The following CNTN5 variants were observed in gnomAD, a reference collection of about 807,000 sequenced individuals.
CNTN5 encodes contactin-5.
A neutral mutation model predicts 129.1 loss-of-function variants in CNTN5; 77 were observed. That is an observed-to-expected ratio of 0.60 (90% CI 0.50 to 0.72). The LOEUF (loss-of-function observed/expected upper bound fraction) is 0.72. Among genes scored for constraint, CNTN5 ranks in the 30% least tolerant of loss-of-function variants. The pLI, the probability that CNTN5 is intolerant of heterozygous loss-of-function variation, is 0.00. For synonymous variants in CNTN5, 509 were observed against 465.6 expected, an observed-to-expected ratio of 1.09 and a Z score of -1.20; for missense variants, 1,478 against 1,328.8, an observed-to-expected ratio of 1.11 and a Z score of -1.75.
chr11:99,034,119 C>T (rs1332231942), intron 1 of CNTN5, among the ~76,000 whole-genome samples: 1 of 152,126 alleles, frequency 6.6e-6, no homozygotes, highest in African/African-American at 2.4e-5. Context: ...AGGATGAAGC[C>T]CACTTGATCA....
At chr11:99,266,003 T>A (rs1862866390) in intron 1 of CNTN5, among the ~76,000 whole-genome samples, 1 of 152,026 alleles carries the variant, frequency 6.6e-6, no homozygotes, top group African/African-American at 2.4e-5. Flanking sequence ...ATGATACAAA[T>A]GTACAAGATA....
At chr11:99,743,291 C>G (rs185809011) in intron 3 of CNTN5, among the ~76,000 whole-genome samples, 1 of 152,214 alleles carries the variant, frequency 6.6e-6, no homozygotes, top group Admixed American at 6.5e-5. Flanking sequence ...ATCTTTAATA[C>G]AAACCCATGG....
At chr11:99,767,677 T>C (rs1944801392) in intron 3 of CNTN5, among the ~76,000 whole-genome samples, 1 of 151,332 alleles carries the variant, frequency 6.6e-6, no homozygotes, top group Non-Finnish European at 1.5e-5. Context: ...TAATATTCTC[T>C]GGCTGATCAT....
At chr11:99,763,516 G>A (rs1279632250) in intron 3 of CNTN5, among the ~76,000 whole-genome samples, 1 of 152,044 alleles carries the variant, frequency 6.6e-6, no homozygotes, top group African/African-American at 2.4e-5. Context: ...CTCAGAAGAA[G>A]TTTAAAGTAT....
intron 13 of CNTN5, among the ~76,000 whole-genome samples, chr11:100,117,544 A>G (rs1286089971): frequency 6.6e-6 from 1 of 151,956 alleles, no homozygotes; most frequent in East Asian, 1.9e-4. Context: ...CACATAGCAT[A>G]TGCTCAACAA....
At chr11:99,227,347 G>A (rs541978541) in intron 1 of CNTN5, among the ~76,000 whole-genome samples, 10 of 150,480 alleles carry the variant, frequency 6.6e-5, no homozygotes, top group African/African-American at 9.8e-5. Flanking sequence ...GGGACAGAGC[G>A]AGAATCTGTC....
At chr11:99,821,002 G>A (rs1442481798) in intron 4 of CNTN5, among the ~76,000 whole-genome samples, 1 of 152,182 alleles carries the variant, frequency 6.6e-6, no homozygotes, top group Non-Finnish European at 1.5e-5. Context: ...TAAGTTGTAT[G>A]TAAGCATGAT....
chr11:100,196,904 G>A (rs1379990388), intron 15 of CNTN5, among the ~76,000 whole-genome samples: 4 of 151,992 alleles, frequency 2.6e-5, no homozygotes, highest in Admixed American at 2.0e-4. Flanking sequence ...GCTAAATGCT[G>A]TTGGGGGATG....
chr11:99,532,811 T>C (rs1032072919), intron 2 of CNTN5, among the ~76,000 whole-genome samples: 1 of 152,190 alleles, frequency 6.6e-6, no homozygotes, highest in Admixed American at 6.5e-5. Flanking sequence ...TAAAAACTCT[T>C]TTTCCTCCCA....
In CNTN5 at chr11:99,662,544, G is replaced by A. The variant is rs74417163; in HGVS notation, c.55+106275G>A. ...CATTTTCTTCACATTTTCTCTTTGC[G>A]GTGTTATAATAAACACGTATTTATC... On this transcript the variant is annotated intron_variant, in intron 3 of 24. Transcript: ENST00000524871. Among the ~76,000 whole-genome samples, 468 of 152,110 alleles carry A rather than the reference G, an allele frequency of 3.1e-3. 22 individuals are homozygous for A. The East Asian group carries it at 0.081, about 26-fold the overall frequency.
At chr11:99,742,991 A>C (rs530255365) in intron 3 of CNTN5, among the ~76,000 whole-genome samples, 4 of 152,346 alleles carry the variant, frequency 2.6e-5, no homozygotes, top group African/African-American at 7.2e-5. Flanking sequence ...TTGTGTGGCT[A>C]AACTCAGCAA....
At chr11:99,028,435 T>C (rs1375002449) in intron 1 of CNTN5, among the ~76,000 whole-genome samples, 2 of 151,860 alleles carry the variant, frequency 1.3e-5, no homozygotes, top group Non-Finnish European at 3.0e-5. Context: ...TAGAGGTATA[T>C]GTGACTAAGA....
At chr11:99,082,086 G>T (rs1218238017) in intron 1 of CNTN5, among the ~76,000 whole-genome samples, 1 of 152,038 alleles carries the variant, frequency 6.6e-6, no homozygotes, top group Admixed American at 6.6e-5. Context: ...GTATTATGGT[G>T]GAGTAGTTAG....
At chr11:99,766,605 C>G (rs1261268864) in intron 3 of CNTN5, among the ~76,000 whole-genome samples, 1 of 152,052 alleles carries the variant, frequency 6.6e-6, no homozygotes, top group African/African-American at 2.4e-5. Context: ...TGAGACCACA[C>G]TGTTTGCCAA....
At chr11:99,476,888 T>C (rs1455240040) in intron 2 of CNTN5, among the ~76,000 whole-genome samples, 2 of 152,116 alleles carry the variant, frequency 1.3e-5, no homozygotes, top group African/African-American at 4.8e-5. Flanking sequence ...TTATTGAGTT[T>C]CTATTGTTTT....
intron 3 of CNTN5, among the ~76,000 whole-genome samples, chr11:99,668,806 T>G (rs1344118465): frequency 6.6e-6 from 1 of 152,080 alleles, no homozygotes; most frequent in East Asian, 1.9e-4. Context: ...TGGGGGCATG[T>G]GCCTGTGGTC....
At chr11:99,705,910 A>G (rs1954735562) in intron 3 of CNTN5, among the ~76,000 whole-genome samples, 1 of 151,544 alleles carries the variant, frequency 6.6e-6, no homozygotes, top group Non-Finnish European at 1.5e-5. Flanking sequence ...CTAGAATAAC[A>G]GAAAACTACC....
At chr11:99,438,558 TA>T (rs1943691492) in intron 2 of CNTN5, among the ~76,000 whole-genome samples, 1 of 152,070 alleles carries the variant, frequency 6.6e-6, no homozygotes, top group Admixed American at 6.5e-5. Flanking sequence ...CTCTCTCTCA[TA>T]CACACACAAT....
Position 99,356,453 on chromosome 11 carries a change from A to G in CNTN5, c.-71+30969A>G, listed in dbSNP as rs529779991. Among the ~76,000 whole-genome samples, 3 of 152,318 alleles carry G rather than the reference A, an allele frequency of 2.0e-5. No homozygotes were observed. In the South Asian group the frequency reaches 6.2e-4, roughly 32 times the overall value. ...CAGTATGTACAGGATTGCTCAGTCA[A>G]TCTTATTAGTCCACACTCATATATT... On this transcript the variant is annotated intron_variant, in intron 2 of 24. Transcript: ENST00000524871.
Sources: gnomAD v4.1 joint callset for allele counts (sites outside exome capture counted in the v4.1 genomes callset) on GRCh38, gnomAD v4.1.1 for gene constraint, MANE v1.5 for transcripts, NCBI Gene and HGNC (gene_info 2026-07-23, HGNC 2026-07-21) for gene names.